PALS1: variants seen among roughly 807,000 people sequenced by gnomAD.
PALS1 encodes the protein protein PALS1.
In PALS1, 31 loss-of-function variants were observed where a neutral mutation model predicts 78.9. The observed-to-expected ratio is 0.39, with a 90% CI of 0.30 to 0.53. PALS1 has a LOEUF of 0.53. Among genes scored for constraint, PALS1 ranks in the 20% least tolerant of loss-of-function variants. PALS1 has a pLI of 0.67. For synonymous variants in PALS1, 276 were observed against 270.9 expected (o/e 1.02, Z -0.18); for missense variants, 704 against 826.5 (o/e 0.85, Z 1.82).
intron 14 of PALS1, among the ~76,000 whole-genome samples, chr14:67,329,605 G>A (rs1489871192): frequency 2.4e-4 from 36 of 152,120 alleles, no homozygotes; most frequent in Non-Finnish European, 1.3e-4. Flanking sequence ...TATGATATTG[G>A]CTGTGGGTTT....
chr14:67,317,174 A>T (rs1271848034), intron 10 of PALS1, among the ~76,000 whole-genome samples: 2 of 152,236 alleles, frequency 1.3e-5, no homozygotes, highest in Non-Finnish European at 2.9e-5. Flanking sequence ...AAAGTAAATT[A>T]AAAACAAGCT....
chr14:67,312,674 G>A lies in PALS1; in HGVS notation c.1189G>A (p.Asp397Asn). The A allele has an allele frequency of 1.2e-6, 2 of 1,611,902 alleles. No homozygotes were observed. The highest frequency in any genetic ancestry group is 1.1e-5 in the South Asian group (1 of 90,634). The change falls in exon 9 of 15, where the codon GAC (aspartate) becomes AAC (asparagine). Residue 397 changes from aspartate to asparagine, a missense_variant. Physicochemically the swap from Asp to Asn is conservative, Grantham distance 23 (BLOSUM62 1). Coordinates refer to ENST00000261681, the MANE Select transcript of PALS1 (RefSeq NM_022474.4). ...CTGGTGGCAGGCCTACAGGGAAGGG[G>A]ACGAAGATAATCAACCTCTAGCCGG... ...PNWWQAYREGDEDNQPLAGLV... is the reference protein window; with the variant it reads ...PNWWQAYREGNEDNQPLAGLV...
At chr14:67,298,808 G>A (rs913978862) in intron 4 of PALS1, among the ~76,000 whole-genome samples, 3 of 152,036 alleles carry the variant, frequency 2.0e-5, no homozygotes, top group African/African-American at 7.2e-5. Flanking sequence ...TCTCTCCCAC[G>A]GCCCTTTGCG....
intron 1 of PALS1, among the ~76,000 whole-genome samples, chr14:67,253,957 TGTTTTG>T (rs1567501592): frequency 4.7e-5 from 7 of 150,480 alleles, no homozygotes; most frequent in East Asian, 2.0e-4. Context: ...GTTAATATTT[TGTTTTG>T]TTTTTTTTTT....
intron 3 of PALS1, among the ~76,000 whole-genome samples, chr14:67,290,019 G>A (rs1349413201): frequency 2.0e-5 from 3 of 151,994 alleles, no homozygotes; most frequent in South Asian, 4.1e-4. Context: ...TGATCCACCC[G>A]CCTTGGTCTC....
intron 14 of PALS1, among the ~76,000 whole-genome samples, chr14:67,325,595 C>A (rs913164073): frequency 2.6e-5 from 4 of 152,074 alleles, no homozygotes; most frequent in African/African-American, 7.2e-5. Context: ...AATTTAGTGT[C>A]CAATAACTAC....
chr14:67,326,945 C>T (rs1414072684), intron 14 of PALS1, among the ~76,000 whole-genome samples: 3 of 151,710 alleles, frequency 2.0e-5, no homozygotes, highest in Admixed American at 6.6e-5. Flanking sequence ...GAGGCCGAGG[C>T]GGGCAGATCA....
In PALS1 at chr14:67,312,637, A is replaced by C; in HGVS notation, c.1152A>C (p.Gln384His). Reference sequence around the variant, plus strand: ...GTGATATACTTCATGTGATCAGTCAAGAAGATCCAAACTGGTGGCAGGCCT... The same window carrying C: ...GTGATATACTTCATGTGATCAGTCACGAAGATCCAAACTGGTGGCAGGCCT... The part of the protein sequence containing the change: ...QKGDILHVIS[Q>H]EDPNWWQAYR... Residue 384 changes from glutamine to histidine, a missense_variant, in exon 9 of 15, where the codon CAA (glutamine) becomes CAC (histidine). Physicochemically the swap from Gln to His is conservative, Grantham distance 24. Coordinates refer to ENST00000261681, the MANE Select transcript of PALS1 (RefSeq NM_022474.4). 1 of 1,613,672 alleles carries C rather than the reference A, an allele frequency of 6.2e-7. No individual in the cohort carries two copies. Among genetic ancestry groups the C allele is most frequent in the Non-Finnish European group, 8.5e-7 (1 of 1,179,736 alleles).
intron 1 of PALS1, among the ~76,000 whole-genome samples, chr14:67,266,679 C>T (rs777878464): frequency 6.6e-6 from 1 of 152,056 alleles, no homozygotes; most frequent in African/African-American, 2.4e-5. Flanking sequence ...AGCTAAGTTT[C>T]TTCTGCAAAG....
intron 3 of PALS1, among the ~76,000 whole-genome samples, chr14:67,282,088 CTG>C (rs2084615224): frequency 6.6e-6 from 1 of 152,060 alleles, no homozygotes; most frequent in South Asian, 2.1e-4. Context: ...ACACAGATAT[CTG>C]TTATGTAAGA....
intron 8 of PALS1, among the ~76,000 whole-genome samples, chr14:67,311,552 G>C (rs72717383): frequency 0.029 from 4,392 of 152,192 alleles, 82 homozygotes; most frequent in Non-Finnish European, 0.036. Context: ...AACTTGCCCA[G>C]GTTAGGTAAA....
At chr14:67,304,601 G>A (rs1287622091) in intron 8 of PALS1, among the ~76,000 whole-genome samples, 1 of 152,210 alleles carries the variant, frequency 6.6e-6, no homozygotes, top group African/African-American at 2.4e-5. Flanking sequence ...CCATAGGAGA[G>A]AAAGCAGATT....
chr14:67,311,151 A>G (rs186126368), intron 8 of PALS1, among the ~76,000 whole-genome samples: 64 of 152,192 alleles, frequency 4.2e-4, no homozygotes, highest in African/African-American at 1.4e-3. Flanking sequence ...TTTCTACTAA[A>G]CATACAAAAA....
chr14:67,316,739 G>GA (rs1319612377), intron 9 of PALS1, 93 bp from the exon 10 acceptor site: 49 of 917,586 alleles, frequency 5.3e-5, no homozygotes, highest in Middle Eastern at 3.2e-4. Flanking sequence ...TAAGTGAAGA[G>GA]ATATGTCTAG....
rs552507146 is a variant in PALS1 at position 67,292,372 on chromosome 14, A to G, written c.368-139A>G. 2,149 of 591,410 alleles carry G rather than the reference A, an allele frequency of 3.6e-3. 72 individuals carry two copies. In the South Asian group the frequency reaches 0.045, roughly 13 times the overall value. The allele number at this position is 591,410 out of a possible 1,614,324, so 36.6% of individuals were successfully genotyped here. A position where few individuals can be genotyped will look rare whatever the true frequency, so the allele number is the denominator to read the frequency against. On this transcript the variant is annotated intron_variant, in intron 3 of 14. Coordinates refer to ENST00000261681, the MANE Select transcript of PALS1 (RefSeq NM_022474.4). ...ACTTAAAACCTATGAAATGACCATGATTGACAATAATATATGCAGATTTTG... is the reference window on the plus strand; with the variant it reads ...ACTTAAAACCTATGAAATGACCATGGTTGACAATAATATATGCAGATTTTG...
chr14:67,245,302 C>G (rs963630060), intron 1 of PALS1, among the ~76,000 whole-genome samples: 1 of 152,126 alleles, frequency 6.6e-6, no homozygotes. Context: ...GCTTTACATT[C>G]CTGTCAGCAC....
intron 11 of PALS1, among the ~76,000 whole-genome samples, chr14:67,318,537 A>G (rs1283873546): frequency 6.6e-6 from 1 of 152,250 alleles, no homozygotes; most frequent in African/African-American, 2.4e-5. Context: ...GAGTCTATAA[A>G]TTAAAATGCT....
chr14:67,327,420 A>G (rs1286906878), intron 14 of PALS1, among the ~76,000 whole-genome samples: 2 of 152,054 alleles, frequency 1.3e-5, no homozygotes, highest in Non-Finnish European at 1.5e-5. Context: ...TTCAGAGGCC[A>G]AGGAGGACGG....
chr14:67,302,150 T>C (rs765770231), intron 6 of PALS1, 32 bp downstream of exon 6: 1 of 1,562,126 alleles, frequency 6.4e-7, no homozygotes, highest in Non-Finnish European at 8.6e-7. Context: ...TTTAAACAAG[T>C]GCATTTTTCT....
Sources: gnomAD v4.1 joint callset for allele counts (sites outside exome capture counted in the v4.1 genomes callset) on GRCh38, gnomAD v4.1.1 for gene constraint, MANE v1.5 for transcripts, NCBI Gene and HGNC (gene_info 2026-07-23, HGNC 2026-07-21) for gene names.